PCDHGA5: variants seen among roughly 807,000 people sequenced by gnomAD.
The protein encoded by PCDHGA5 is protocadherin gamma-A5.
A neutral mutation model predicts 56.7 loss-of-function variants in PCDHGA5; 36 were observed. The observed-to-expected ratio is 0.64, with a 90% CI of 0.49 to 0.84. The LOEUF is 0.84. Among genes scored for constraint, PCDHGA5 ranks in the 40% least tolerant of loss-of-function variants. PCDHGA5 has a pLI of 0.00. For synonymous variants in PCDHGA5, 563 were observed against 520.2 expected (o/e 1.08, Z -1.12); for missense variants, 1,305 against 1,201.5 (o/e 1.09, Z -1.27).
chr5:141,439,459 A>T (rs558086952), intron 1 of PCDHGA5, among the ~76,000 whole-genome samples: 1 of 152,340 alleles, frequency 6.6e-6, no homozygotes, highest in African/African-American at 2.4e-5. Flanking sequence ...GCAAGACTGC[A>T]CTGCTGCCTT....
At chr5:141,373,897 C>G (rs1379272131) in intron 1 of PCDHGA5, 1 of 536,936 alleles carries the variant, frequency 1.9e-6, no homozygotes, top group Non-Finnish European at 3.1e-6. Context: ...ACTCAAGTTA[C>G]ATCCTCCAAC....
At position 141,491,318 on chromosome 5, in the gene PCDHGA5, A is replaced by C; in HGVS notation, c.2422-3489A>C. The C allele has an allele frequency of 6.2e-7, 1 of 1,613,862 alleles. No individual in the cohort carries two copies. The highest frequency in any genetic ancestry group is 8.5e-7 in the Non-Finnish European group (1 of 1,179,916). On this transcript the variant is annotated intron_variant, in intron 1 of 3. Transcript: ENST00000518069. The surrounding 1 kb of genome is among the most constrained non-coding windows in gnomAD (Gnocchi z 6.9). ...CCTGAGCGTTCAGACCTTACCCTTT[A>C]CCTCATTGTGGCTCTAGCGACCGTC...
intron 1 of PCDHGA5, among the ~76,000 whole-genome samples, chr5:141,472,508 C>T (rs140607073): frequency 0.01 from 1,548 of 151,922 alleles, 35 homozygotes; most frequent in African/African-American, 0.035. Flanking sequence ...CCACTGCACT[C>T]CAGCCTGGGT....
At chr5:141,470,838 C>T (rs142581300) in intron 1 of PCDHGA5, among the ~76,000 whole-genome samples, 5 of 152,222 alleles carry the variant, frequency 3.3e-5, no homozygotes, top group African/African-American at 7.2e-5. Flanking sequence ...CAAACACACG[C>T]CACCATGCTC....
At chr5:141,500,026 T>G (rs1297397353) in intron 2 of PCDHGA5, among the ~76,000 whole-genome samples, 1 of 151,974 alleles carries the variant, frequency 6.6e-6, no homozygotes, top group Non-Finnish European at 1.5e-5. Flanking sequence ...TATATTTGAG[T>G]GAGTGTCTCT....
chr5:141,428,536 A>G (rs981530261), intron 1 of PCDHGA5: 1 of 273,778 alleles, frequency 3.7e-6, no homozygotes, highest in Non-Finnish European at 7.2e-6. Flanking sequence ...TTTTCTCACC[A>G]TGACACCAGA....
At chr5:141,441,494 ACCAGG>A (rs1325946941) in intron 1 of PCDHGA5, 1 of 170,360 alleles carries the variant, frequency 5.9e-6, no homozygotes, top group Non-Finnish European at 1.3e-5. Flanking sequence ...CTGGTTTTCT[ACCAGG>A]CCTCCTACGT....
chr5:141,398,799 C>T (rs2093705548), intron 1 of PCDHGA5: 3 of 1,613,848 alleles, frequency 1.9e-6, no homozygotes, highest in East Asian at 2.2e-5. Context: ...CCCTAAGCGG[C>T]ACCACTGAGC....
At chr5:141,467,178 A>C (rs1344437465) in intron 1 of PCDHGA5, among the ~76,000 whole-genome samples, 1 of 151,604 alleles carries the variant, frequency 6.6e-6, no homozygotes, top group Non-Finnish European at 1.5e-5. Flanking sequence ...TCAGCCTCCC[A>C]AGTAGCTGGG....
intron 1 of PCDHGA5, chr5:141,390,342 G>A (rs1484978612): frequency 6.3e-7 from 1 of 1,581,534 alleles, no homozygotes; most frequent in Non-Finnish European, 8.6e-7. Context: ...ATATTCACAA[G>A]AAAATATACA....
Position 141,431,663 on chromosome 5 carries a change from T to G in PCDHGA5, c.2422-63144T>G, listed in dbSNP as rs2097405149. ...ACTAGATTGTAATTCAGGGACAATA[T>G]CAACAATAGGGGAGTTGGACCACGA... On this transcript the variant is annotated intron_variant, in intron 1 of 3. Coordinates refer to ENST00000518069, the MANE Select transcript of PCDHGA5 (RefSeq NM_018918.3). The surrounding 1 kb of genome is among the most constrained non-coding windows in gnomAD (Gnocchi z 4.8). The G allele has an allele frequency of 6.2e-7, 1 of 1,614,168 alleles. No individual in the cohort carries two copies.
chr5:141,418,759 C>T (rs527475797), intron 1 of PCDHGA5: 17 of 1,613,898 alleles, frequency 1.1e-5, no homozygotes, highest in Non-Finnish European at 1.4e-5. Flanking sequence ...CTACAGGAAA[C>T]ATTCTAACTC....
intron 1 of PCDHGA5, among the ~76,000 whole-genome samples, chr5:141,472,792 C>A (rs2099297177): frequency 6.6e-6 from 1 of 151,698 alleles, no homozygotes; most frequent in African/African-American, 2.4e-5. Context: ...TCAAGATCAG[C>A]CTGACCAACA....
intron 1 of PCDHGA5, chr5:141,423,815 C>G (rs1002418139): frequency 7.9e-7 from 1 of 1,271,358 alleles, no homozygotes; most frequent in African/African-American, 1.6e-5. Context: ...GTGAGTTTTA[C>G]TTTGCCTTTC....
At chr5:141,385,197 T>A (rs371691840) in intron 1 of PCDHGA5, 1 of 1,613,774 alleles carries the variant, frequency 6.2e-7, no homozygotes, top group African/African-American at 1.3e-5. Flanking sequence ...CTCGGAAGAG[T>A]CACCTGATCT....
At chr5:141,371,409 G>T in intron 1 of PCDHGA5, 2 of 1,614,022 alleles carry the variant, frequency 1.2e-6, no homozygotes, top group Non-Finnish European at 1.7e-6. Flanking sequence ...AGATATTTCA[G>T]ATGAAAATGA....
intron 1 of PCDHGA5, chr5:141,372,574 T>C: frequency 1.2e-6 from 2 of 1,614,012 alleles, no homozygotes; most frequent in South Asian, 1.1e-5. Flanking sequence ...GAGGGCTACT[T>C]TCAGCCTGGT....
chr5:141,440,959 G>A (rs1313315196), intron 1 of PCDHGA5: 1 of 152,216 alleles, frequency 6.6e-6, no homozygotes, highest in Non-Finnish European at 1.5e-5. Flanking sequence ...TCAAGGCAGA[G>A]ATCACATATG....
chr5:141,390,215 A>G, intron 1 of PCDHGA5: 1 of 1,614,038 alleles, frequency 6.2e-7, no homozygotes. Flanking sequence ...GACAAGACAT[A>G]CTTTGCGGTG....
Sources: gnomAD v4.1 joint callset for allele counts (sites outside exome capture counted in the v4.1 genomes callset) on GRCh38, gnomAD v4.1.1 for gene constraint, Gnocchi (gnomAD v3.1) non-coding constraint, MANE v1.5 for transcripts, NCBI Gene and HGNC (gene_info 2026-07-23, HGNC 2026-07-21) for gene names.